The following CLYBL variants were observed in gnomAD, a reference collection of about 807,000 sequenced individuals.
CLYBL encodes the protein citramalyl-CoA lyase.
CLYBL carries 31 observed loss-of-function variants against 38.9 expected under a neutral mutation model. That is an observed-to-expected ratio of 0.80 (90% CI 0.60 to 1.08). The LOEUF is 1.08. CLYBL is among the 50% of genes least tolerant of loss of function. The pLI is 0.00. For missense variants in CLYBL, 434 were observed against 411.6 expected (o/e 1.05, Z -0.47); for synonymous variants, 171 against 158.6 (o/e 1.08, Z -0.59).
chr13:99,858,757 A>G lies in CLYBL; in HGVS notation c.250-104A>G, dbSNP rs61326981. On this transcript the variant is annotated intron_variant, in intron 2 of 8. Transcript: ENST00000339105. The stretch of plus-strand genomic sequence containing the variant: ...TGGACAGGAAATGTGTAGATAGAAT[A>G]ATGGTGCTCAGACTCTGAATCCACA... 2.3e-4 allele frequency: 165 copies of G among 732,752 alleles called. No homozygotes were observed. The African/African-American group carries it at 2.6e-3, about 12-fold the overall frequency. 45.4% of individuals were successfully genotyped at this position (732,752 alleles called of 1,614,324 possible).
chr13:99,877,225 ACACACACCC>A (rs1224489093), intron 7 of CLYBL, among the ~76,000 whole-genome samples: 1 of 152,198 alleles, frequency 6.6e-6, no homozygotes, highest in Non-Finnish European at 1.5e-5. Context: ...ACCTGTGACC[ACACACACCC>A]CATGGTGTTC....
chr13:99,766,144 C>T (rs1185752534), intron 1 of CLYBL, among the ~76,000 whole-genome samples: 1 of 152,174 alleles, frequency 6.6e-6, no homozygotes, highest in African/African-American at 2.4e-5. Flanking sequence ...TGAGCCAACT[C>T]ATTTGGCAAA....
chr13:99,612,450 C>G (rs2046641502), intron 1 of CLYBL, among the ~76,000 whole-genome samples: 1 of 139,590 alleles, frequency 7.2e-6, no homozygotes, highest in African/African-American at 2.7e-5. Context: ...TGCACTGATG[C>G]AATCTTGGCT....
chr13:99,739,989 AAAAC>A (rs973954730), intron 1 of CLYBL, among the ~76,000 whole-genome samples: 5 of 152,180 alleles, frequency 3.3e-5, no homozygotes, highest in Admixed American at 2.0e-4. Flanking sequence ...AAAAAACAAA[AAAAC>A]AAAAAAACTG....
At chr13:99,707,559 A>G (rs572551153) in intron 1 of CLYBL, among the ~76,000 whole-genome samples, 32 of 152,218 alleles carry the variant, frequency 2.1e-4, no homozygotes, top group African/African-American at 7.7e-4. Context: ...GGCTTGAGCC[A>G]TTGCACCCAG....
At chr13:99,896,408 G>C (rs1331466072), downstream of CLYBL, 1 of 152,150 alleles carries the variant, frequency 6.6e-6, no homozygotes, top group Non-Finnish European at 1.5e-5. Flanking sequence ...CACCCTGCGC[G>C]CAGGCCGGAC....
At chr13:99,881,220 G>A (rs553318223) in intron 7 of CLYBL, among the ~76,000 whole-genome samples, 63 of 152,268 alleles carry the variant, frequency 4.1e-4, no homozygotes, top group Middle Eastern at 3.4e-3. Context: ...GAATGACTTC[G>A]GTTGAACTTT....
At chr13:99,719,813 G>T (rs75169089) in intron 1 of CLYBL, among the ~76,000 whole-genome samples, 2,221 of 152,250 alleles carry the variant, frequency 0.015, 41 homozygotes, top group African/African-American at 0.05. Context: ...TGGCTTGACA[G>T]TATCTTTTTA....
At chr13:99,874,587 GAA>G (rs567731982) in intron 7 of CLYBL, among the ~76,000 whole-genome samples, 100 of 152,020 alleles carry the variant, frequency 6.6e-4, no homozygotes, top group African/African-American at 2.3e-3. Context: ...TTGGATACTT[GAA>G]AACATCTCAA....
chr13:99,695,142 CT>C (rs1318605606), intron 1 of CLYBL, among the ~76,000 whole-genome samples: 1 of 152,092 alleles, frequency 6.6e-6, no homozygotes, highest in Non-Finnish European at 1.5e-5. Context: ...TTAAAAGTTC[CT>C]GCTACCGTTT....
At chr13:99,668,527 A>C (rs1566604308) in intron 1 of CLYBL, among the ~76,000 whole-genome samples, 1 of 150,004 alleles carries the variant, frequency 6.7e-6, no homozygotes, top group Non-Finnish European at 1.5e-5. Flanking sequence ...CGGAGGTTGC[A>C]GTGAGCTGAG....
chr13:99,896,274 C>T (rs1225213542), downstream of CLYBL: 1 of 152,116 alleles, frequency 6.6e-6, no homozygotes, highest in Non-Finnish European at 1.5e-5. Flanking sequence ...CAATCCCGCG[C>T]CTTTGTGCGC....
At chr13:99,616,811 C>A (rs924659204) in intron 1 of CLYBL, among the ~76,000 whole-genome samples, 29 of 152,010 alleles carry the variant, frequency 1.9e-4, no homozygotes, top group African/African-American at 5.8e-4. Context: ...CAAAAATTAG[C>A]CTGGTGTGGT....
intron 1 of CLYBL, among the ~76,000 whole-genome samples, chr13:99,676,166 T>TTCCTTCCGTCCGTCCG (rs2047641437): frequency 7.0e-6 from 1 of 141,900 alleles, no homozygotes; most frequent in African/African-American, 2.5e-5. Context: ...ACAGACTGGC[T>TTCCTTCCGTCCGTCCG]TCCTTCCTTC....
intron 1 of CLYBL, among the ~76,000 whole-genome samples, chr13:99,668,950 G>A (rs1457506026): frequency 6.6e-6 from 1 of 152,088 alleles, no homozygotes; most frequent in African/African-American, 2.4e-5. Flanking sequence ...GAGAAGGCAG[G>A]AGGCAGATGC....
At chr13:99,793,695 A>G (rs941912445) in intron 2 of CLYBL, among the ~76,000 whole-genome samples, 7 of 152,178 alleles carry the variant, frequency 4.6e-5, no homozygotes, top group Admixed American at 2.6e-4. Flanking sequence ...AGCAATTTCC[A>G]TTTAATGAGA....
chr13:99,666,053 G>A (rs2047476793), intron 1 of CLYBL, among the ~76,000 whole-genome samples: 1 of 152,192 alleles, frequency 6.6e-6, no homozygotes, highest in Non-Finnish European at 1.5e-5. Context: ...AGCTCAGGGA[G>A]AGTAAGAAGA....
chr13:99,820,347 T>C (rs2050563723), intron 2 of CLYBL, among the ~76,000 whole-genome samples: 1 of 152,178 alleles, frequency 6.6e-6, no homozygotes. Context: ...TTTTTGTACA[T>C]GCTCATATTT....
chr13:99,715,788 A>G (rs941550901), intron 1 of CLYBL, among the ~76,000 whole-genome samples: 1 of 152,038 alleles, frequency 6.6e-6, no homozygotes, highest in Non-Finnish European at 1.5e-5. Context: ...TTGGCTTGTC[A>G]TGTTTCTCAG....
Sources: allele counts gnomAD v4.1 joint callset (sites outside exome capture counted in the v4.1 genomes callset), GRCh38; gene constraint gnomAD v4.1.1; transcripts MANE v1.5; gene names NCBI Gene and HGNC (gene_info 2026-07-23, HGNC 2026-07-21).